Variants in ANKRD62 observed in about 807,000 individuals in gnomAD.
ANKRD62 encodes the protein ankyrin repeat domain 62.
ANKRD62 carries 61 observed loss-of-function variants against 98.8 expected under a neutral mutation model. That is an observed-to-expected ratio of 0.62 (90% CI 0.50 to 0.76). The LOEUF is 0.76. ANKRD62 is among the 30% of genes least tolerant of loss of function. ANKRD62 has a pLI of 0.00. For missense variants in ANKRD62, 933 were observed against 1,082.9 expected (o/e 0.86, Z 1.94); for synonymous variants, 341 against 367.9 (o/e 0.93, Z 0.84).
the ANKRD62 span, among the ~76,000 whole-genome samples, chr18:12,154,933 G>T: frequency 2.6e-5 from 4 of 152,146 alleles, no homozygotes; most frequent in African/African-American, 9.7e-5. Flanking sequence ...ACTCATGAAC[G>T]CAGAGAAGGG....
At chr18:12,160,422 T>C in the ANKRD62 span, among the ~76,000 whole-genome samples, 53 of 152,208 alleles carry the variant, frequency 3.5e-4, no homozygotes, top group African/African-American at 1.2e-3. Context: ...TACCATGTAA[T>C]GTCTTTGATA....
chr18:12,125,392 G>C, intron 12 of ANKRD62, 68 bp from the exon 13 acceptor site: 1 of 1,344,068 alleles, frequency 7.4e-7, no homozygotes, highest in Non-Finnish European at 9.7e-7. Context: ...TACTTATTTA[G>C]TTTCAGAAGA....
chr18:12,155,966 C>A, the ANKRD62 span, among the ~76,000 whole-genome samples: 1 of 152,000 alleles, frequency 6.6e-6, no homozygotes, highest in African/African-American at 2.4e-5. Context: ...GGAGATTTGC[C>A]TTTCTGTGGT....
chr18:12,095,112 CGTTGTAT>C, intron 1 of ANKRD62, 52 bp from the exon 2 acceptor site: 1 of 1,151,940 alleles, frequency 8.7e-7, no homozygotes, highest in Non-Finnish European at 1.3e-6. Context: ...TTGCATGCGT[CGTTGTAT>C]GTTTTGGGAC....
intron 13 of ANKRD62, among the ~76,000 whole-genome samples, chr18:12,127,442 C>T (rs1909916735): frequency 6.6e-6 from 1 of 152,226 alleles, no homozygotes; most frequent in Admixed American, 6.5e-5. Flanking sequence ...GTAAAATTCA[C>T]TGCCACCAGT....
At chr18:12,140,779 G>T in the ANKRD62 span, among the ~76,000 whole-genome samples, 1 of 152,218 alleles carries the variant, frequency 6.6e-6, no homozygotes, top group Admixed American at 6.5e-5. Context: ...CTCCCAGTTA[G>T]GCTACTAGAG....
At chr18:12,126,408 T>A (rs9303759) in intron 13 of ANKRD62, 25 bp downstream of exon 13, 935,434 of 1,472,436 alleles carry the variant, frequency 0.64, 301,922 homozygotes, top group Middle Eastern at 0.7. Flanking sequence ...AGATAAGTAT[T>A]TTTCAAACTT....
intron 10 of ANKRD62, among the ~76,000 whole-genome samples, 179 bp downstream of exon 10, chr18:12,115,713 G>A (rs1909650125): frequency 6.6e-6 from 1 of 152,116 alleles, no homozygotes; most frequent in African/African-American, 2.4e-5. Flanking sequence ...CCAAAGAGCT[G>A]TGATCATTCC....
At chr18:12,105,764 C>T (rs903151545) in intron 7 of ANKRD62, among the ~76,000 whole-genome samples, 8 of 152,208 alleles carry the variant, frequency 5.3e-5, no homozygotes, top group African/African-American at 1.9e-4. Flanking sequence ...CTATAATCTT[C>T]ATTACTTGAT....
the ANKRD62 span, among the ~76,000 whole-genome samples, chr18:12,155,497 C>G: frequency 6.6e-6 from 1 of 152,182 alleles, no homozygotes; most frequent in Admixed American, 6.5e-5. Context: ...TGCCATGGAG[C>G]ACACATGAAG....
At chr18:12,095,398 C>T (rs1042430428) in intron 2 of ANKRD62, 39 bp from the exon 3 acceptor site, 2 of 1,545,130 alleles carry the variant, frequency 1.3e-6, no homozygotes, top group African/African-American at 1.4e-5. Context: ...GGAAGATTTC[C>T]TAGAATTTAC....
chr18:12,180,964 AGT>A, the ANKRD62 span, among the ~76,000 whole-genome samples: 1 of 138,586 alleles, frequency 7.2e-6, no homozygotes, highest in African/African-American at 2.7e-5. Flanking sequence ...AACAGGCCCC[AGT>A]GTGTGATGTT....
rs973947042 is a variant in ANKRD62, at chr18:12,127,983, G to A, written c.*44G>A. ...GTGTTTCAGGACACTAGTTTCAGTG[G>A]AGAGCTTTCTTTTGTATTTTCATTA... On this transcript the variant is annotated 3_prime_UTR_variant, in exon 14 of 14. Coordinates refer to ENST00000587848, the MANE Select transcript of ANKRD62 (RefSeq NM_001277333.2). 3.5e-5 allele frequency: 40 copies of A among 1,152,376 alleles called. No homozygotes were observed. In the African/African-American group the frequency reaches 5.4e-4, roughly 16 times the overall value. The allele number at this position is 1,152,376 out of a possible 1,614,324, so 71.4% of individuals were successfully genotyped here. A position where few individuals can be genotyped will look rare whatever the true frequency, so the allele number is the denominator to read the frequency against.
At chr18:12,174,284 G>A in the ANKRD62 span, among the ~76,000 whole-genome samples, 4 of 152,056 alleles carry the variant, frequency 2.6e-5, no homozygotes, top group Non-Finnish European at 5.9e-5. Context: ...CACTTGGTCT[G>A]TTCTGCTATT....
chr18:12,124,944 C>T (rs1909856890), intron 12 of ANKRD62, among the ~76,000 whole-genome samples: 1 of 152,134 alleles, frequency 6.6e-6, no homozygotes, highest in Admixed American at 6.5e-5. Flanking sequence ...TTTATCAATA[C>T]ATGTCATTGT....
intron 6 of ANKRD62, among the ~76,000 whole-genome samples, chr18:12,100,977 A>G (rs542015741): frequency 6.6e-6 from 1 of 152,316 alleles, no homozygotes; most frequent in East Asian, 1.9e-4. Context: ...GAAGTAGGAC[A>G]CATGCTGTGC....
At chr18:12,159,578 G>C in the ANKRD62 span, among the ~76,000 whole-genome samples, 1 of 152,170 alleles carries the variant, frequency 6.6e-6, no homozygotes, top group Non-Finnish European at 1.5e-5. Flanking sequence ...AAAGAGATTT[G>C]TCCTGTGGTT....
At chr18:12,134,020 C>T (rs994954535), downstream of ANKRD62, among the ~76,000 whole-genome samples, 5 of 152,126 alleles carry the variant, frequency 3.3e-5, no homozygotes, top group African/African-American at 9.7e-5. Context: ...CACATTCTCT[C>T]CTAGGGCAAA....
At chr18:12,171,055 G>A in the ANKRD62 span, among the ~76,000 whole-genome samples, 2 of 150,496 alleles carry the variant, frequency 1.3e-5, no homozygotes, top group Admixed American at 1.3e-4. Flanking sequence ...TGAGTCTTCT[G>A]AATACAGCAC....
Sources: gnomAD v4.1 joint callset for allele counts (sites outside exome capture counted in the v4.1 genomes callset) on GRCh38, gnomAD v4.1.1 for gene constraint, MANE v1.5 for transcripts, NCBI Gene and HGNC (gene_info 2026-07-23, HGNC 2026-07-21) for gene names.